The following PCDH11X variants were observed in gnomAD, a reference collection of about 807,000 sequenced individuals.
PCDH11X encodes protocadherin-11 X-linked.
In PCDH11X, 18 loss-of-function variants were observed where a neutral mutation model predicts 53.3. That is an observed-to-expected ratio of 0.34 (90% CI 0.23 to 0.50). PCDH11X has a LOEUF of 0.50. Among genes scored for constraint, PCDH11X ranks in the 20% least tolerant of loss-of-function variants. The pLI is 0.98. For missense variants in PCDH11X, 570 were observed against 1,032.4 expected (o/e 0.55, Z 6.14); for synonymous variants, 279 against 393.3 (o/e 0.71, Z 3.44).
intron 10 of PCDH11X, among the ~76,000 whole-genome samples, chrX:92,555,373 T>TA (rs35466664): frequency 8.9e-6 from 1 of 111,754 alleles, no homozygotes; most frequent in South Asian, 3.7e-4. Context: ...AACATTCACA[T>TA]AAAAAAATTA....
intron 6 of PCDH11X, among the ~76,000 whole-genome samples, chrX:92,012,897 A>G (rs1343136786): frequency 1.8e-5 from 2 of 111,680 alleles, no homozygotes; most frequent in African/African-American, 3.3e-5. Flanking sequence ...TTAATGTCTA[A>G]TAAAATAATG....
intron 4 of PCDH11X, among the ~76,000 whole-genome samples, chrX:91,822,635 C>A (rs1195564912): frequency 2.1e-5 from 2 of 96,725 alleles, no homozygotes; most frequent in African/African-American, 3.6e-5. Flanking sequence ...CTCCTGGATT[C>A]ATTAATTTTT....
chrX:92,030,541 T>C (rs1297021374), intron 6 of PCDH11X, among the ~76,000 whole-genome samples: 2 of 108,183 alleles, frequency 1.8e-5, no homozygotes, highest in African/African-American at 6.8e-5. Flanking sequence ...TAATTATTAT[T>C]GACTATAGTC....
rs185487915 is a variant in PCDH11X at position 92,548,961 on chromosome X, C to A, written c.3368-69303C>A. ...TTGTTAATGTGTGAAAAAAACAGTG[C>A]AAGTGTCATTTATTGAAATCAGGCT... is the stretch of plus-strand genomic sequence containing the variant. On this transcript the variant is annotated intron_variant, in intron 10 of 10. Coordinates refer to ENST00000682573, the MANE Select transcript of PCDH11X (RefSeq NM_032968.5). Among the ~76,000 whole-genome samples the A allele has an allele frequency of 1.4e-4, 15 of 106,584 alleles. No homozygotes were observed. In the East Asian group the frequency reaches 3.9e-3, roughly 27 times the overall value. The allele number at this position is 106,584 out of a possible 115,157, so 92.6% of individuals were successfully genotyped here.
chrX:91,958,254 A>T (rs113808502), intron 6 of PCDH11X, among the ~76,000 whole-genome samples: 1,976 of 112,015 alleles, frequency 0.018, 41 homozygotes, highest in African/African-American at 0.06. Flanking sequence ...GTGGGTCTTA[A>T]CTTGTGAGGT....
At chrX:92,085,957 T>C (rs1333437624) in intron 6 of PCDH11X, among the ~76,000 whole-genome samples, 3 of 111,915 alleles carry the variant, frequency 2.7e-5, no homozygotes, top group Non-Finnish European at 3.8e-5. Context: ...TCACTTACTA[T>C]GAAAAAGACA....
At chrX:91,798,465 T>A (rs1935816969) in intron 1 of PCDH11X, among the ~76,000 whole-genome samples, 1 of 110,031 alleles carries the variant, frequency 9.1e-6, no homozygotes, top group Admixed American at 9.8e-5. Context: ...GGCGGGCGCC[T>A]GTAATCCCAG....
At chrX:92,503,120 A>G (rs1689084977) in intron 10 of PCDH11X, among the ~76,000 whole-genome samples, 1 of 110,971 alleles carries the variant, frequency 9.0e-6, no homozygotes, top group Admixed American at 9.6e-5. Context: ...CAAACATATG[A>G]AAAAAAGTTC....
At chrX:91,960,971 A>T (rs770346653) in intron 6 of PCDH11X, among the ~76,000 whole-genome samples, 55 of 100,973 alleles carry the variant, frequency 5.4e-4, no homozygotes, top group African/African-American at 2.0e-3. Flanking sequence ...TACCAGCACC[A>T]TATTGTTTTG....
intron 6 of PCDH11X, among the ~76,000 whole-genome samples, chrX:92,189,360 C>T (rs751774238): frequency 2.7e-5 from 3 of 111,487 alleles, no homozygotes; most frequent in Non-Finnish European, 5.6e-5. Context: ...GCTTGCAGCT[C>T]GATCCATGTC....
At chrX:92,325,627 C>A (rs1288009999) in intron 8 of PCDH11X, among the ~76,000 whole-genome samples, 2 of 111,962 alleles carry the variant, frequency 1.8e-5, no homozygotes, top group African/African-American at 6.5e-5. Context: ...GCCAGATTGT[C>A]ACTGTGCCCT....
chrX:91,977,195 T>C (rs1259390437), intron 6 of PCDH11X, among the ~76,000 whole-genome samples: 2 of 111,716 alleles, frequency 1.8e-5, no homozygotes, highest in Non-Finnish European at 3.8e-5. Context: ...AGAGTTGTAA[T>C]TGAAAATCTC....
intron 9 of PCDH11X, among the ~76,000 whole-genome samples, chrX:92,410,971 G>A (rs749723152): frequency 9.1e-6 from 1 of 110,148 alleles, no homozygotes; most frequent in East Asian, 2.8e-4. Context: ...TGTGGTATCA[G>A]TCACTGAGAA....
chrX:92,587,150 A>T (rs1924485002), intron 10 of PCDH11X, among the ~76,000 whole-genome samples: 3 of 110,325 alleles, frequency 2.7e-5, no homozygotes, highest in South Asian at 7.7e-4. Context: ...TTTTCATGAG[A>T]GTTCAGCTTA....
chrX:92,277,644 G>A (rs1187533841), intron 8 of PCDH11X, among the ~76,000 whole-genome samples: 1 of 108,877 alleles, frequency 9.2e-6, no homozygotes, highest in East Asian at 2.9e-4. Context: ...TGGAAATAAG[G>A]GATGGGGCAC....
At chrX:92,053,943 T>C (rs2063403241) in intron 6 of PCDH11X, among the ~76,000 whole-genome samples, 1 of 111,728 alleles carries the variant, frequency 9.0e-6, no homozygotes, top group Admixed American at 9.5e-5. Flanking sequence ...TTCAACATGG[T>C]TGTTCTCAGA....
intron 10 of PCDH11X, among the ~76,000 whole-genome samples, chrX:92,478,717 A>C (rs1311962960): frequency 3.6e-5 from 4 of 110,228 alleles, no homozygotes; most frequent in African/African-American, 1.3e-4. Context: ...TCCTAATTTG[A>C]TAGTGCAATG....
intron 6 of PCDH11X, among the ~76,000 whole-genome samples, chrX:92,197,026 G>A (rs1348268835): frequency 9.0e-6 from 1 of 111,543 alleles, no homozygotes; most frequent in Non-Finnish European, 1.9e-5. Flanking sequence ...TGAGGCTCAT[G>A]TTATTATACT....
intron 6 of PCDH11X, among the ~76,000 whole-genome samples, chrX:92,017,587 C>G (rs1403032273): frequency 9.5e-6 from 1 of 105,195 alleles, no homozygotes; most frequent in Non-Finnish European, 1.9e-5. Flanking sequence ...ATCCCAGCTA[C>G]TTGGGAGGCT....
Sources: gnomAD v4.1 joint callset for allele counts (sites outside exome capture counted in the v4.1 genomes callset) on GRCh38, gnomAD v4.1.1 for gene constraint, MANE v1.5 for transcripts, NCBI Gene and HGNC (gene_info 2026-07-23, HGNC 2026-07-21) for gene names.